The following TSPAN10 variants were observed in gnomAD, a reference collection of about 807,000 sequenced individuals.
TSPAN10 encodes the protein tetraspanin-10.
Under a neutral mutation model 15.0 loss-of-function variants are expected in TSPAN10, and 11 were observed. That is an observed-to-expected ratio of 0.73 (90% CI 0.46 to 1.21). TSPAN10 has a LOEUF of 1.21. TSPAN10 is among the 50% of genes most tolerant of loss of function. The pLI, the probability that TSPAN10 is intolerant of heterozygous loss-of-function variation, is 0.00. For synonymous variants in TSPAN10, 241 were observed against 226.2 expected (o/e 1.07, Z -0.59); for missense variants, 486 against 470.6 (o/e 1.03, Z -0.30).
In TSPAN10 at chr17:81,647,728, C is replaced by T. The variant is rs555448193; in HGVS notation, c.675-173C>T. 125 of 683,518 alleles carry T rather than the reference C, an allele frequency of 1.8e-4. No homozygotes were observed. In the African/African-American group the frequency reaches 2.1e-3, roughly 11 times the overall value. The allele number at this position is 683,518 out of a possible 1,614,324, so 42.3% of individuals were successfully genotyped here. A position where few individuals can be genotyped will look rare whatever the true frequency, so the allele number is the denominator to read the frequency against. On this transcript the variant is annotated intron_variant, in intron 2 of 2. Coordinates refer to ENST00000611590, the Ensembl canonical transcript of TSPAN10. The stretch of plus-strand genomic sequence containing the variant: ...GGGATACGTTATAGAGAGCCAGGTG[C>T]TGTGTGTGTCCGTGTGTGCAGGTGT...
At chr17:81,640,195 G>A (rs1265414440), upstream of TSPAN10, among the ~76,000 whole-genome samples, 1 of 151,980 alleles carries the variant, frequency 6.6e-6, no homozygotes, top group Non-Finnish European at 1.5e-5. Flanking sequence ...TGTTGCCCAG[G>A]CTGGTCTCTA....
chr17:81,645,839 C>T, intron 2 of TSPAN10: 3 of 663,016 alleles, frequency 4.5e-6, no homozygotes, highest in Non-Finnish European at 5.3e-6. Context: ...CTACACACTC[C>T]TCTACACTGA....
chr17:81,646,403 GGCGCGGTA>G (rs2036253465), intron 2 of TSPAN10: 1 of 151,980 alleles, frequency 6.6e-6, no homozygotes, highest in African/African-American at 2.4e-5. Flanking sequence ...AAAAAGGCCG[GGCGCGGTA>G]GCTCACGCCT....
chr17:81,637,202 G>A, exon 1 of TSPAN10: 2 of 448,192 alleles, frequency 4.5e-6, no homozygotes, highest in Non-Finnish European at 4.0e-6. Context: ...ACCCGCCCCC[G>A]CCATCCCTGC....
rs764349695 is a variant in TSPAN10 at position 81,647,889 on chromosome 17, T to C, written c.675-12T>C. The stretch of plus-strand genomic sequence containing the variant: ...CTCCCCGCCAGAACTGACGATTCCA[T>C]GCGCCTTGCAGGTACTTTAACTGCA... On this transcript the variant is annotated splice_polypyrimidine_tract_variant and intron_variant, in intron 2 of 2. Coordinates refer to ENST00000611590, the Ensembl canonical transcript of TSPAN10. 5 of 1,593,394 alleles carry C rather than the reference T, an allele frequency of 3.1e-6. No individual in the cohort carries two copies. Among genetic ancestry groups the C allele is most frequent in the Non-Finnish European group, 4.3e-6 (5 of 1,175,580 alleles).
intron 2 of TSPAN10, 119 bp from the exon 4 acceptor site, chr17:81,647,782 G>T: frequency 1.9e-6 from 2 of 1,074,956 alleles, no homozygotes; most frequent in South Asian, 2.8e-5. Flanking sequence ...ATGCACGTGT[G>T]TGCATGTGCC....
At chr17:81,644,068 C>T (rs1290350853) in intron 1 of TSPAN10, among the ~76,000 whole-genome samples, 2 of 148,914 alleles carry the variant, frequency 1.3e-5, no homozygotes, top group Admixed American at 6.8e-5. Flanking sequence ...AGGCTGGTCT[C>T]GAATTCCCGA....
upstream of TSPAN10, chr17:81,642,406 G>A (rs371096586): frequency 1.8e-4 from 284 of 1,613,484 alleles, 1 homozygote; most frequent in East Asian, 5.6e-3. Flanking sequence ...CTGTTCCAGC[G>A]TCAAGGATGG....
chr17:81,639,209 T>TC (rs2036154247), upstream of TSPAN10: 1 of 140,488 alleles, frequency 7.1e-6, no homozygotes. Flanking sequence ...ACTTTTCTTT[T>TC]TTTTTTTTTT....
At chr17:81,642,125 G>A (rs1398169329), upstream of TSPAN10, among the ~76,000 whole-genome samples, 2 of 152,176 alleles carry the variant, frequency 1.3e-5, no homozygotes, top group Admixed American at 6.5e-5. Flanking sequence ...GCCTGCCTGA[G>A]TCACACCTGC....
At chr17:81,640,050 G>A (rs1425495905), upstream of TSPAN10, among the ~76,000 whole-genome samples, 1 of 151,410 alleles carries the variant, frequency 6.6e-6, no homozygotes, top group Non-Finnish European at 1.5e-5. Context: ...TGGCACAATC[G>A]TGGCTCACTG....
chr17:81,637,325 C>T (rs1372196015), exon 1 of TSPAN10: 22 of 663,462 alleles, frequency 3.3e-5, no homozygotes, highest in Non-Finnish European at 6.0e-5. Context: ...CATCCGAAGT[C>T]TCACCCAAAA....
chr17:81,648,280 C>A (rs1293561972), exon 3 of TSPAN10: 1 of 1,211,276 alleles, frequency 8.3e-7, no homozygotes, highest in East Asian at 3.4e-5. Context: ...CGCTGCCAAG[C>A]CCGCCCGGGG....
exon 1 of TSPAN10, chr17:81,637,207 C>T (rs1035721592): frequency 6.4e-5 from 30 of 468,176 alleles, no homozygotes; most frequent in Non-Finnish European, 8.4e-5. Context: ...CCCCCGCCAT[C>T]CCTGCAACTG....
intron 2 of TSPAN10, 129 bp from the exon 4 acceptor site, chr17:81,647,772 A>G: frequency 1.1e-6 from 1 of 952,090 alleles, no homozygotes; most frequent in Admixed American, 2.3e-5. Context: ...AGGAGGGCGT[A>G]TGCACGTGTG....
upstream of TSPAN10, among the ~76,000 whole-genome samples, chr17:81,641,529 G>T (rs2036177072): frequency 6.6e-6 from 1 of 152,026 alleles, no homozygotes; most frequent in Admixed American, 6.6e-5. Flanking sequence ...TCCCACCCAG[G>T]CGTCTCACGC....
chr17:81,647,753 T>G, intron 2 of TSPAN10, 148 bp from the exon 4 acceptor site: 1 of 770,056 alleles, frequency 1.3e-6, no homozygotes, highest in East Asian at 2.7e-5. Flanking sequence ...TGTGCAGGTG[T>G]GTGCGAATAG....
chr17:81,645,789 A>T, intron 2 of TSPAN10, 160 bp downstream of exon 3: 1 of 953,226 alleles, frequency 1.0e-6, no homozygotes, highest in Admixed American at 2.2e-5. Context: ...CCACACTGGC[A>T]CGTCTCGTGC....
chr17:81,640,745 G>A (rs2036170605), upstream of TSPAN10, among the ~76,000 whole-genome samples: 1 of 152,112 alleles, frequency 6.6e-6, no homozygotes, highest in Admixed American at 6.5e-5. Context: ...ACCGCGCCCA[G>A]CCCCTAATGG....
Sources: allele counts gnomAD v4.1 joint callset (sites outside exome capture counted in the v4.1 genomes callset), GRCh38; gene constraint gnomAD v4.1.1; transcripts MANE v1.5; gene names NCBI Gene and HGNC (gene_info 2026-07-23, HGNC 2026-07-21).